MYCBP2: variants seen among roughly 807,000 people sequenced by gnomAD.
MYCBP2 encodes MYC binding protein 2, also known as E3 ubiquitin-protein ligase MYCBP2.
Under a neutral mutation model 525.3 loss-of-function variants are expected in MYCBP2, and 120 were observed. The observed-to-expected ratio is 0.23, with a 90% CI of 0.20 to 0.27. MYCBP2 has a LOEUF of 0.27. Among genes scored for constraint, MYCBP2 ranks in the 10% least tolerant of loss-of-function variants. The pLI is 1.00. For missense variants in MYCBP2, 4,149 were observed against 5,657.1 expected (o/e 0.73, Z 8.55); for synonymous variants, 1,894 against 1,955.8 (o/e 0.97, Z 0.83).
chr13:77,197,446 G>A (rs1257414518), intron 26 of MYCBP2, among the ~76,000 whole-genome samples: 1 of 152,088 alleles, frequency 6.6e-6, no homozygotes, highest in African/African-American at 2.4e-5. Flanking sequence ...AGAGATCAGT[G>A]GAAGAGCATG....
intron 26 of MYCBP2, among the ~76,000 whole-genome samples, chr13:77,200,573 T>G (rs1205703248): frequency 1.3e-5 from 2 of 151,928 alleles, no homozygotes; most frequent in African/African-American, 4.8e-5. Context: ...GAAGAGCAAC[T>G]CCAAGGCACA....
chr13:77,045,496 G>T lies in MYCBP2; in HGVS notation c.13922-3C>A. ...TTCTAACTGCTTGCCTTTGGGACCTGTATAAATTTGAAGGAGGCAAAGGAA... is the reference window on the plus strand; with the variant it reads ...TTCTAACTGCTTGCCTTTGGGACCTTTATAAATTTGAAGGAGGCAAAGGAA... On this transcript the variant is annotated splice_polypyrimidine_tract_variant and splice_region_variant and intron_variant, in intron 82 of 82. Coordinates refer to ENST00000544440, the MANE Select transcript of MYCBP2 (RefSeq NM_015057.5). 2 of 1,601,070 alleles carry T rather than the reference G, an allele frequency of 1.2e-6. No individual in the cohort carries two copies. Among genetic ancestry groups the T allele is most frequent in the East Asian group, 4.5e-5 (2 of 44,810 alleles).
intron 55 of MYCBP2, among the ~76,000 whole-genome samples, chr13:77,107,456 A>T (rs1422564825): frequency 6.6e-6 from 1 of 152,100 alleles, no homozygotes; most frequent in Non-Finnish European, 1.5e-5. Flanking sequence ...AAGTGACAGG[A>T]CTAGGCACAG....
At chr13:77,275,799 CAT>C (rs2075481712) in intron 4 of MYCBP2, among the ~76,000 whole-genome samples, 1 of 152,152 alleles carries the variant, frequency 6.6e-6, no homozygotes, top group African/African-American at 2.4e-5. Flanking sequence ...GCCTGGCCAA[CAT>C]AGTGAAACCC....
intron 49 of MYCBP2, 127 bp from the exon 50 acceptor site, chr13:77,141,070 T>C (rs545977098): frequency 3.1e-6 from 2 of 652,950 alleles, no homozygotes; most frequent in East Asian, 2.8e-5. Context: ...TCTGTCCTTT[T>C]AAGGTGATGG....
chr13:77,056,010 T>C (rs1358288920), intron 79 of MYCBP2, among the ~76,000 whole-genome samples: 1 of 152,188 alleles, frequency 6.6e-6, no homozygotes, highest in African/African-American at 2.4e-5. Flanking sequence ...AGCTTTATAT[T>C]TCCTGCGTCT....
At chr13:77,116,730 A>G (rs2049846616) in intron 55 of MYCBP2, among the ~76,000 whole-genome samples, 1 of 152,080 alleles carries the variant, frequency 6.6e-6, no homozygotes, top group Admixed American at 6.6e-5. Context: ...ACACATATGC[A>G]TAAAATTATA....
At chr13:77,147,276 G>A (rs2055747016) in intron 47 of MYCBP2, among the ~76,000 whole-genome samples, 1 of 152,030 alleles carries the variant, frequency 6.6e-6, no homozygotes, top group African/African-American at 2.4e-5. Context: ...GGGTGGTAAT[G>A]GGTCTGAGGA....
intron 68 of MYCBP2, among the ~76,000 whole-genome samples, chr13:77,072,117 T>C (rs1029320544): frequency 1.3e-5 from 2 of 151,230 alleles, no homozygotes; most frequent in African/African-American, 4.9e-5. Context: ...TGAAACCCCA[T>C]CTCTACTAAA....
At chr13:77,096,212 C>A in intron 57 of MYCBP2, 100 bp downstream of exon 57, 2 of 1,187,470 alleles carry the variant, frequency 1.7e-6, no homozygotes, top group East Asian at 2.5e-5. Context: ...CTTTTAATAT[C>A]AACTATGTGG....
chr13:77,125,412 G>GA lies in MYCBP2; in HGVS notation c.7940dup (p.Cys2648LeufsTer2). Reference sequence around the variant, plus strand: ...ATGCCTCTCCTTCATCACTCTCACAGAACTCTACCATGCTGTTCTGATCCA... The same window carrying GA: ...ATGCCTCTCCTTCATCACTCTCACAGAAACTCTACCATGCTGTTCTGATCCA... On this transcript the variant is annotated frameshift_variant, in exon 54 of 83. Transcript: ENST00000544440. LOFTEE classifies it high-confidence loss of function. The GA allele has an allele frequency of 6.2e-7, 1 of 1,613,940 alleles. No homozygotes were observed. The highest frequency in any genetic ancestry group is 2.2e-5 in the East Asian group (1 of 44,864).
intron 59 of MYCBP2, among the ~76,000 whole-genome samples, chr13:77,091,451 G>T (rs1450602158): frequency 6.6e-6 from 1 of 151,134 alleles, no homozygotes; most frequent in Non-Finnish European, 1.5e-5. Context: ...AAAATTGCTT[G>T]TGAAAGAATT....
chr13:77,200,687 G>T (rs1056366825), intron 26 of MYCBP2, among the ~76,000 whole-genome samples: 2 of 152,096 alleles, frequency 1.3e-5, no homozygotes, highest in Non-Finnish European at 2.9e-5. Flanking sequence ...GACTAACAGC[G>T]GATCTCTCAG....
chr13:77,233,985 A>G (rs2067514456), intron 17 of MYCBP2, among the ~76,000 whole-genome samples: 2 of 152,066 alleles, frequency 1.3e-5, no homozygotes, highest in Admixed American at 1.3e-4. Context: ...CATTTCTTCT[A>G]AAGTGCCACT....
At chr13:77,323,758 G>C (rs1464462512) in intron 1 of MYCBP2, among the ~76,000 whole-genome samples, 1 of 152,152 alleles carries the variant, frequency 6.6e-6, no homozygotes, top group African/African-American at 2.4e-5. Context: ...CAAAAAATGT[G>C]CTAGACATTG....
intron 44 of MYCBP2, 98 bp downstream of exon 44, chr13:77,161,808 T>C (rs998201712): frequency 1.2e-5 from 10 of 865,720 alleles, no homozygotes; most frequent in Admixed American, 4.8e-5. Flanking sequence ...AAGTACTTAA[T>C]GAATGAACCC....
chr13:77,325,979 T>C (rs1442091474), intron 1 of MYCBP2, among the ~76,000 whole-genome samples: 1 of 152,064 alleles, frequency 6.6e-6, no homozygotes, highest in South Asian at 2.1e-4. Flanking sequence ...GAAAGGCAGA[T>C]TGAAGGGAGG....
chr13:77,185,642 G>A lies in MYCBP2; in HGVS notation c.4444+229C>T, dbSNP rs115957793. On this transcript the variant is annotated intron_variant, in intron 31 of 82. Coordinates refer to ENST00000544440, the MANE Select transcript of MYCBP2 (RefSeq NM_015057.5). ...ATTTGTTTAAAATTAAACTTTATTA[G>A]ATTATTTAACTTTGGCCCACTATTA... Among the ~76,000 whole-genome samples the A allele has an allele frequency of 4.7e-3, 722 of 152,222 alleles. 4 individuals are homozygous for A. Among genetic ancestry groups the A allele is most frequent in the African/African-American group, 0.016 (681 of 41,542 alleles).
intron 58 of MYCBP2, 64 bp downstream of exon 58, chr13:77,095,294 G>C (rs921814769): frequency 3.8e-6 from 6 of 1,580,338 alleles, no homozygotes; most frequent in Non-Finnish European, 5.2e-6. Context: ...AACTACCCTA[G>C]ATATCAATAA....
Sources: allele counts gnomAD v4.1 joint callset (sites outside exome capture counted in the v4.1 genomes callset), GRCh38; gene constraint gnomAD v4.1.1; transcripts MANE v1.5; gene names NCBI Gene and HGNC (gene_info 2026-07-23, HGNC 2026-07-21).